PLCE1: variants seen among roughly 807,000 people sequenced by gnomAD.
PLCE1 encodes 1-phosphatidylinositol 4,5-bisphosphate phosphodiesterase epsilon-1.
In PLCE1, 119 loss-of-function variants were observed where a neutral mutation model predicts 242.8. The observed-to-expected ratio is 0.49, with a 90% CI of 0.42 to 0.57. The LOEUF (loss-of-function observed/expected upper bound fraction) is 0.57. Ranked by LOEUF, PLCE1 falls within the 20% of genes least tolerant of loss-of-function variation. The probability of loss-of-function intolerance (pLI) is 0.00; values close to 1 mark genes in which losing one functional copy is unlikely to be tolerated. For missense variants in PLCE1, 2,441 were observed against 2,788.8 expected (o/e 0.88, Z 2.81); for synonymous variants, 945 against 1,017.4 (o/e 0.93, Z 1.35).
In PLCE1 at chr10:94,089,407, C is replaced by T. The variant is rs187311583; in HGVS notation, c.1207-42767C>T. The T allele has an allele frequency of 8.9e-5, 136 of 1,531,240 alleles. 1 individual carries two copies. The African/African-American group carries it at 1.7e-3, about 19-fold the overall frequency. The allele number at this position is 1,531,240 out of a possible 1,614,324, so 94.9% of individuals were successfully genotyped here. A position where few individuals can be genotyped will look rare whatever the true frequency, so the allele number is the denominator to read the frequency against. ...GGTTCTTGTTGTCTAAGAAATCCCC[C>T]AGTGTTCTTAATGCATGGAATCCTG... On this transcript the variant is annotated intron_variant, in intron 2 of 32. Transcript: ENST00000371380.
intron 27 of PLCE1, among the ~76,000 whole-genome samples, chr10:94,310,465 C>T (rs2053353022): frequency 6.6e-6 from 1 of 152,104 alleles, no homozygotes; most frequent in Non-Finnish European, 1.5e-5. Context: ...CAGGTGGGCC[C>T]CAGGCATCAG....
intron 3 of PLCE1, among the ~76,000 whole-genome samples, chr10:94,149,256 G>T (rs764388897): frequency 6.6e-6 from 1 of 152,154 alleles, no homozygotes; most frequent in African/African-American, 2.4e-5. Context: ...CAGCCCAGAA[G>T]GTGGCTTCAA....
intron 5 of PLCE1, among the ~76,000 whole-genome samples, chr10:94,230,135 C>T (rs2050092237): frequency 1.3e-5 from 2 of 152,086 alleles, no homozygotes; most frequent in Admixed American, 1.3e-4. Flanking sequence ...TTTGCTTCCT[C>T]TAACTAAATT....
chr10:94,045,897 G>A (rs2061873266), intron 2 of PLCE1, among the ~76,000 whole-genome samples: 2 of 151,852 alleles, frequency 1.3e-5, no homozygotes. Context: ...TCAGGAGATC[G>A]AGACCATCCT....
chr10:94,189,072 G>A (rs1387556680), intron 4 of PLCE1, among the ~76,000 whole-genome samples: 1 of 149,364 alleles, frequency 6.7e-6, no homozygotes, highest in African/African-American at 2.5e-5. Flanking sequence ...CTTTCCACTT[G>A]TGTATTGATA....
At chr10:94,047,789 C>T (rs2043637763) in intron 2 of PLCE1, among the ~76,000 whole-genome samples, 1 of 152,110 alleles carries the variant, frequency 6.6e-6, no homozygotes, top group South Asian at 2.1e-4. Context: ...CTTGACCACC[C>T]CAAACCTCTA....
intron 2 of PLCE1, among the ~76,000 whole-genome samples, chr10:94,064,645 C>T (rs778012555): frequency 6.6e-6 from 1 of 152,166 alleles, no homozygotes; most frequent in Non-Finnish European, 1.5e-5. Context: ...CAAGTTTGAC[C>T]TCTCTGAGCT....
At chr10:94,013,869 G>T (rs973417617) in intron 1 of PLCE1, among the ~76,000 whole-genome samples, 28 of 152,154 alleles carry the variant, frequency 1.8e-4, no homozygotes, top group African/African-American at 5.8e-4. Flanking sequence ...TGATCCCTGG[G>T]GGGGCTAACA....
Position 94,332,676 on chromosome 10 carries a change from A to T in PLCE1, c.*4733A>T, listed in dbSNP as rs1372192739. On this transcript the variant is annotated 3_prime_UTR_variant, in exon 33 of 33. Transcript: ENST00000371380. ...CACTGTGATTCTCCATATGTATAACAAGAAAATTAAAGGCATAATACAGCT... is the reference window on the plus strand; with the variant it reads ...CACTGTGATTCTCCATATGTATAACTAGAAAATTAAAGGCATAATACAGCT... The T allele has an allele frequency of 6.6e-6, 1 of 152,226 alleles. No individual in the cohort carries two copies. Among genetic ancestry groups the T allele is most frequent in the East Asian group, 1.9e-4 (1 of 5,204 alleles). 9.4% of individuals were successfully genotyped at this position (152,226 alleles called of 1,614,324 possible).
intron 18 of PLCE1, among the ~76,000 whole-genome samples, chr10:94,271,088 C>T (rs1408567789): frequency 6.6e-6 from 1 of 152,070 alleles, no homozygotes; most frequent in African/African-American, 2.4e-5. Context: ...AGCCTGGGCC[C>T]TCTCTGGGAT....
intron 4 of PLCE1, among the ~76,000 whole-genome samples, chr10:94,180,639 G>A (rs2048283089): frequency 6.6e-6 from 1 of 152,186 alleles, no homozygotes; most frequent in Non-Finnish European, 1.5e-5. Context: ...ACCCTTAGCG[G>A]TGATGGTGCT....
At position 94,293,535 on chromosome 10, in the gene PLCE1, C is replaced by G. The variant is rs765229262; in HGVS notation, c.5063C>G (p.Ser1688Cys). The change falls in exon 23 of 33, where the codon TCT becomes TGT. Residue 1688 changes from serine to cysteine, a missense_variant. By Grantham distance (112) the Ser-to-Cys change is moderately radical (BLOSUM62 -1). Transcript: ENST00000371380. The part of the protein sequence containing the change: ...PGLSTLNASG[S>C]SRGKERKSRK... ...CTGTCAACTCTAAATGCATCTGGCTCTAGCAGAGGAAAAGAAAGGAAAAGC... is the reference window on the plus strand; with the variant it reads ...CTGTCAACTCTAAATGCATCTGGCTGTAGCAGAGGAAAAGAAAGGAAAAGC... 74 of 1,613,584 alleles carry G rather than the reference C, an allele frequency of 4.6e-5. No homozygotes were observed. The highest frequency in any genetic ancestry group is 5.8e-5 in the Non-Finnish European group (68 of 1,179,798).
At chr10:94,252,549 G>A (rs751365993) in intron 9 of PLCE1, 51 bp downstream of exon 9, 2 of 1,465,320 alleles carry the variant, frequency 1.4e-6, no homozygotes, top group African/African-American at 1.4e-5. Flanking sequence ...CAGGACCGCT[G>A]TATGGTGAAC....
At position 94,332,480 on chromosome 10, in the gene PLCE1, A is replaced by C. The variant is rs570307258; in HGVS notation, c.*4537A>C. 1 of 150,528 alleles carries C rather than the reference A, an allele frequency of 6.6e-6. No individual in the cohort carries two copies. Among genetic ancestry groups the C allele is most frequent in the East Asian group, 2.0e-4 (1 of 5,120 alleles). The allele number at this position is 150,528 out of a possible 1,614,324, so 9.3% of individuals were successfully genotyped here. ...AAAAACAAATTAAGGCTGTAGCTTA[A>C]TATAGCCTCAGGATATGTGTGTGCC... On this transcript the variant is annotated 3_prime_UTR_variant, in exon 33 of 33. Transcript: ENST00000371380.
chr10:94,294,403 A>G (rs554764590), intron 23 of PLCE1, among the ~76,000 whole-genome samples: 1 of 152,204 alleles, frequency 6.6e-6, no homozygotes, highest in Non-Finnish European at 1.5e-5. Context: ...AGTAACCACT[A>G]TTAAATTTAT....
At chr10:94,010,546 C>G (rs920377614) in intron 1 of PLCE1, among the ~76,000 whole-genome samples, 6 of 152,170 alleles carry the variant, frequency 3.9e-5, no homozygotes, top group African/African-American at 9.7e-5. Flanking sequence ...ATTTTCCAAA[C>G]TTTTATACTC....
intron 1 of PLCE1, among the ~76,000 whole-genome samples, chr10:94,010,597 C>T (rs2061150990): frequency 6.6e-6 from 1 of 152,156 alleles, no homozygotes; most frequent in Admixed American, 6.5e-5. Flanking sequence ...TAAGTCATTC[C>T]TTAGACTGAT....
rs754371586 is a variant in PLCE1, at chr10:94,214,560, CTTTG to C, written c.1810-12739_1810-12736del. On this transcript the variant is annotated intron_variant, in intron 4 of 32. Coordinates refer to ENST00000371380, the MANE Select transcript of PLCE1 (RefSeq NM_016341.4). ...TTGATCTTGGTGGGATGCCAATATC[CTTTG>C]TTTGTTCACACAGATTTGTTTTCAG... Among the ~76,000 whole-genome samples the C allele has an allele frequency of 7.9e-5, 12 of 152,084 alleles. No homozygotes were observed. In the East Asian group the frequency reaches 9.7e-4, roughly 12 times the overall value.
At chr10:94,315,828 T>G (rs1162102630) in intron 28 of PLCE1, among the ~76,000 whole-genome samples, 2 of 151,160 alleles carry the variant, frequency 1.3e-5, no homozygotes, top group East Asian at 3.9e-4. Context: ...GTTCACCTAA[T>G]GTACCCATGT....
Sources: allele counts gnomAD v4.1 joint callset (sites outside exome capture counted in the v4.1 genomes callset), GRCh38; gene constraint gnomAD v4.1.1; transcripts MANE v1.5; gene names NCBI Gene and HGNC (gene_info 2026-07-23, HGNC 2026-07-21).